The following POU3F3 variants were observed in gnomAD, a reference collection of about 807,000 sequenced individuals.
POU3F3 encodes the protein POU class 3 homeobox 3, also known as POU domain, class 3, transcription factor 3.
A neutral mutation model predicts 8.6 loss-of-function variants in POU3F3; 1 was observed. The observed-to-expected ratio is 0.12, with a 90% CI of 0.04 to 0.55. POU3F3 has a LOEUF of 0.55. Among genes scored for constraint, POU3F3 ranks in the 20% least tolerant of loss-of-function variants. The probability of loss-of-function intolerance (pLI) is 0.91; values close to 1 mark genes in which losing one functional copy is unlikely to be tolerated. For missense variants in POU3F3, 577 were observed against 690.7 expected, an observed-to-expected ratio of 0.84 and a Z score of 1.84; for synonymous variants, 418 against 327.4, an observed-to-expected ratio of 1.28 and a Z score of -2.99.
chr2:104,873,423 C>T, the POU3F3 span, among the ~76,000 whole-genome samples: 2 of 152,078 alleles, frequency 1.3e-5, no homozygotes, highest in Admixed American at 6.5e-5. Context: ...GCGCGCAGCT[C>T]CTCCCGTGAG....
the POU3F3 span, among the ~76,000 whole-genome samples, chr2:104,893,903 A>T: frequency 3.3e-4 from 50 of 151,844 alleles, no homozygotes; most frequent in African/African-American, 1.2e-3. Flanking sequence ...AAAAAAAAAA[A>T]AGATGCAGTG....
At chr2:104,884,993 G>A in the POU3F3 span, among the ~76,000 whole-genome samples, 5 of 152,134 alleles carry the variant, frequency 3.3e-5, no homozygotes, top group African/African-American at 1.2e-4. Flanking sequence ...GACGGGCAAG[G>A]AGCAGGAGGG....
At chr2:104,924,523 TA>T in the POU3F3 span, among the ~76,000 whole-genome samples, 2 of 152,190 alleles carry the variant, frequency 1.3e-5, no homozygotes, top group South Asian at 4.1e-4. Context: ...TACTTCGGAT[TA>T]ACTGTAAGAT....
the POU3F3 span, among the ~76,000 whole-genome samples, chr2:104,874,917 C>T: frequency 6.6e-6 from 1 of 152,178 alleles, no homozygotes; most frequent in Non-Finnish European, 1.5e-5. Flanking sequence ...GCAACCATCA[C>T]CATCATCCAT....
chr2:104,891,204 T>C, the POU3F3 span, among the ~76,000 whole-genome samples: 1 of 152,234 alleles, frequency 6.6e-6, no homozygotes, highest in African/African-American at 2.4e-5. Context: ...CTTGTAGCTC[T>C]TTGAATCAGA....
At position 104,855,769 on chromosome 2, in the gene POU3F3, G is replaced by A; in HGVS notation, c.259G>A (p.Gly87Ser). 4 of 1,319,324 alleles carry A rather than the reference G, an allele frequency of 3.0e-6. No homozygotes were observed. Among genetic ancestry groups the A allele is most frequent in the South Asian group, 1.3e-5 (1 of 77,152 alleles). The allele number at this position is 1,319,324 out of a possible 1,614,324, so 81.7% of individuals were successfully genotyped here. ...GCAGGGGGCCATGGCCGCCAGCAAC[G>A]GCGGCCATATGCTGAGCCACGCGCA... ...FMQGAMAASN[G>S]GHMLSHAHQW... is the part of the protein sequence containing the mutation. The change falls in exon 1 of 1, where the codon GGC becomes AGC. Residue 87 changes from glycine (G) to serine (S), a missense_variant. Coordinates refer to ENST00000361360, the MANE Select transcript of POU3F3 (RefSeq NM_006236.3).
chr2:104,855,806 C>G lies in POU3F3; in HGVS notation c.296C>G (p.Thr99Arg). 1 of 1,215,556 alleles carries G rather than the reference C, an allele frequency of 8.2e-7. No homozygotes were observed. The highest frequency in any genetic ancestry group is 2.0e-5 in the South Asian group (1 of 50,948). The allele number at this position is 1,215,556 out of a possible 1,614,324, so 75.3% of individuals were successfully genotyped here. The change falls in exon 1 of 1, where the codon ACA becomes AGA. Residue 99 changes from threonine to arginine, a missense_variant. Physicochemically the swap from Thr to Arg is moderately conservative, Grantham distance 71 (BLOSUM62 -1). Around this residue, in one of 7 missense-constraint regions of POU3F3, gnomAD observed 484 missense variants for 422.6 expected, o/e 1.15. Transcript: ENST00000361360. The stretch of plus-strand genomic sequence containing the variant: ...CTGAGCCACGCGCACCAGTGGGTCA[C>G]AGCCCTGCCCCACGCCGCCGCCGCC... ...HMLSHAHQWV[T>R]ALPHAAAAAA...
chr2:104,866,644 G>A, the POU3F3 span: 2 of 152,216 alleles, frequency 1.3e-5, no homozygotes, highest in African/African-American at 4.8e-5. Context: ...GCACTCACTT[G>A]ATTTTCTCCA....
At chr2:104,910,864 A>G in the POU3F3 span, among the ~76,000 whole-genome samples, 6 of 152,220 alleles carry the variant, frequency 3.9e-5, no homozygotes, top group African/African-American at 1.4e-4. Flanking sequence ...GAACAATAAA[A>G]AGACAAATAC....
At chr2:104,894,239 A>G in the POU3F3 span, among the ~76,000 whole-genome samples, 1 of 152,210 alleles carries the variant, frequency 6.6e-6, no homozygotes, top group African/African-American at 2.4e-5. Context: ...TATCACTATT[A>G]AATTAAGAAT....
At chr2:104,892,679 G>A in the POU3F3 span, among the ~76,000 whole-genome samples, 1 of 151,586 alleles carries the variant, frequency 6.6e-6, no homozygotes, top group Non-Finnish European at 1.5e-5. Context: ...ACACATATGT[G>A]TGTGTGTGTA....
the POU3F3 span, among the ~76,000 whole-genome samples, chr2:104,919,485 T>A: frequency 6.6e-6 from 1 of 152,178 alleles, no homozygotes; most frequent in African/African-American, 2.4e-5. Flanking sequence ...AGGCCAAACA[T>A]CCGACTTATT....
rs1334918150 is a variant in POU3F3, at chr2:104,855,398, G to A, written c.-113G>A. The stretch of plus-strand genomic sequence containing the variant: ...GGGGCGGGGGCGGGGAAGGAGGGGG[G>A]GAGGAGGCGGGAGGCGGGGGGCGCG... On this transcript the variant is annotated 5_prime_UTR_variant, in exon 1 of 1. Coordinates refer to ENST00000361360, the MANE Select transcript of POU3F3 (RefSeq NM_006236.3). The A allele has an allele frequency of 1.5e-5, 6 of 389,480 alleles. No individual in the cohort carries two copies. The highest frequency in any genetic ancestry group is 2.4e-5 in the African/African-American group (1 of 41,594). 24.1% of individuals were successfully genotyped at this position (389,480 alleles called of 1,614,324 possible). A position where few individuals can be genotyped will look rare whatever the true frequency, so the allele number is the denominator to read the frequency against.
chr2:104,913,079 C>A, the POU3F3 span, among the ~76,000 whole-genome samples: 1 of 152,124 alleles, frequency 6.6e-6, no homozygotes, highest in South Asian at 2.1e-4. Context: ...GGATTGCAAA[C>A]CACTTGGATG....
chr2:104,913,629 C>T, the POU3F3 span, among the ~76,000 whole-genome samples: 17 of 152,168 alleles, frequency 1.1e-4, no homozygotes, highest in Admixed American at 2.6e-4. Context: ...CTCAGTAAAA[C>T]GTATGTGAAT....
the POU3F3 span, among the ~76,000 whole-genome samples, chr2:104,895,184 G>A: frequency 6.6e-6 from 1 of 151,938 alleles, no homozygotes; most frequent in African/African-American, 2.4e-5. Flanking sequence ...CAAAGCCTTT[G>A]CTATGTTTAT....
At chr2:104,900,033 A>T in the POU3F3 span, among the ~76,000 whole-genome samples, 2 of 152,204 alleles carry the variant, frequency 1.3e-5, no homozygotes, top group African/African-American at 4.8e-5. Flanking sequence ...CATAGTTCCA[A>T]ATTGAAATGG....
the POU3F3 span, among the ~76,000 whole-genome samples, chr2:104,903,068 C>A: frequency 2.0e-5 from 3 of 152,150 alleles, no homozygotes; most frequent in East Asian, 1.9e-4. Flanking sequence ...AGGCATATTT[C>A]TTTTTGTTCA....
At chr2:104,901,339 T>A in the POU3F3 span, among the ~76,000 whole-genome samples, 1 of 152,302 alleles carries the variant, frequency 6.6e-6, no homozygotes, top group South Asian at 2.1e-4. Context: ...AATATCAATA[T>A]AATAAATTCC....
Sources: allele counts gnomAD v4.1 joint callset (sites outside exome capture counted in the v4.1 genomes callset), GRCh38; gene constraint gnomAD v4.1.1; regional missense constraint gnomAD v4.1.1; transcripts MANE v1.5; gene names NCBI Gene and HGNC (gene_info 2026-07-23, HGNC 2026-07-21).